Variants in PKIB observed in about 807,000 individuals in gnomAD.
The protein encoded by PKIB is PKI-beta.
PKIB carries 2 observed loss-of-function variants against 4.5 expected under a neutral mutation model. The ratio of observed to expected loss-of-function variants is 0.44; its 90% CI spans 0.18 to 1.39. The LOEUF (loss-of-function observed/expected upper bound fraction) is 1.39, where lower values mean the gene tolerates loss of function less well. Among genes scored for constraint, PKIB ranks in the 40% most tolerant of loss-of-function variants. PKIB has a pLI of 0.27. For synonymous variants in PKIB, 38 were observed against 36.0 expected, an observed-to-expected ratio of 1.06 and a Z score of -0.20; for missense variants, 94 against 92.6, an observed-to-expected ratio of 1.02 and a Z score of -0.06.
rs897422802 is a variant in PKIB at position 122,646,547 on chromosome 6, A to T, written c.-76+13180A>T. Reference sequence around the variant, plus strand: ...AAATCTCCAGTTGATGTTCACTTTTAAAAAATCTAAGTTACTATGAAGTTT... The same window carrying T: ...AAATCTCCAGTTGATGTTCACTTTTTAAAAATCTAAGTTACTATGAAGTTT... On this transcript the variant is annotated intron_variant, in intron 2 of 4. Transcript: ENST00000368452. Among the ~76,000 whole-genome samples the T allele has an allele frequency of 4.0e-4, 61 of 152,272 alleles. 1 individual carries two copies. Among genetic ancestry groups the T allele is most frequent in the Non-Finnish European group, 6.6e-4 (45 of 68,024 alleles).
At chr6:122,720,663 C>T (rs181198491) in intron 4 of PKIB, among the ~76,000 whole-genome samples, 19 of 151,262 alleles carry the variant, frequency 1.3e-4, no homozygotes, top group Non-Finnish European at 2.1e-4. Flanking sequence ...GTGGATCAGA[C>T]GGAAAAAGTT....
At chr6:122,506,722 C>T (rs543362918) in intron 2 of PKIB, among the ~76,000 whole-genome samples, 3 of 119,858 alleles carry the variant, frequency 2.5e-5, no homozygotes, top group Non-Finnish European at 4.9e-5. Context: ...TTTTTTGAGA[C>T]GGAGTCTCGC....
chr6:122,530,274 T>TA (rs1279665256), intron 2 of PKIB, among the ~76,000 whole-genome samples: 11 of 152,042 alleles, frequency 7.2e-5, no homozygotes, highest in East Asian at 3.9e-4. Context: ...TTTCTGTGTT[T>TA]AAAAAAAATA....
chr6:122,666,723 A>G (rs904462655), intron 2 of PKIB, among the ~76,000 whole-genome samples: 7 of 152,236 alleles, frequency 4.6e-5, no homozygotes, highest in African/African-American at 1.7e-4. Context: ...TTTTGAAAAA[A>G]TATGGGATAT....
At chr6:122,627,759 C>A (rs1424136011) in intron 1 of PKIB, among the ~76,000 whole-genome samples, 1 of 152,170 alleles carries the variant, frequency 6.6e-6, no homozygotes, top group Non-Finnish European at 1.5e-5. Context: ...AATTGTTCTA[C>A]ATCCTTTCTT....
At chr6:122,644,959 T>A (rs1331930368) in intron 2 of PKIB, among the ~76,000 whole-genome samples, 1 of 152,248 alleles carries the variant, frequency 6.6e-6, no homozygotes. Flanking sequence ...AACTTGTTTC[T>A]GCATTAGGTA....
intron 3 of PKIB, among the ~76,000 whole-genome samples, chr6:122,590,317 C>T (rs1375740006): frequency 2.0e-5 from 3 of 152,172 alleles, no homozygotes; most frequent in Non-Finnish European, 4.4e-5. Flanking sequence ...AGGTTAAGAT[C>T]ACAGGCTCAG....
rs552544670 is a variant in PKIB, at chr6:122,577,918, AAAAAG to A, written c.-247-7988_-247-7984del. Among the ~76,000 whole-genome samples the A allele has an allele frequency of 3.2e-4, 49 of 151,894 alleles. No individual in the cohort carries two copies. In the East Asian group the frequency reaches 8.1e-3, roughly 25 times the overall value. ...AGCAAGACTCCGTCTCAAAAAAAAA[AAAAAG>A]AAAAGAAAAGAAAAAAGAAATACAT... On this transcript the variant is annotated intron_variant, in intron 2 of 6. Transcript: ENST00000392491.
chr6:122,490,979 T>C (rs1775920836), intron 2 of PKIB, among the ~76,000 whole-genome samples: 1 of 152,056 alleles, frequency 6.6e-6, no homozygotes, highest in Admixed American at 6.5e-5. Context: ...TCCAGCAACC[T>C]CAGTTCCTGC....
intron 3 of PKIB, among the ~76,000 whole-genome samples, chr6:122,686,632 G>A (rs957628300): frequency 4.6e-5 from 7 of 151,806 alleles, no homozygotes; most frequent in Non-Finnish European, 8.8e-5. Context: ...AAAGAGCTGG[G>A]GCAACAGGCA....
intron 1 of PKIB, among the ~76,000 whole-genome samples, chr6:122,625,202 T>G (rs747193368): frequency 6.6e-6 from 1 of 152,252 alleles, no homozygotes; most frequent in Non-Finnish European, 1.5e-5. Flanking sequence ...TTGTATAAAC[T>G]GATACCTGAA....
intron 3 of PKIB, among the ~76,000 whole-genome samples, chr6:122,679,057 A>G (rs1450797253): frequency 6.6e-6 from 1 of 152,200 alleles, no homozygotes; most frequent in Non-Finnish European, 1.5e-5. Context: ...GCTACAGGCA[A>G]TCCTACATAC....
chr6:122,714,993 G>A (rs1160417500), intron 3 of PKIB, among the ~76,000 whole-genome samples: 2 of 150,954 alleles, frequency 1.3e-5, no homozygotes, highest in Non-Finnish European at 2.9e-5. Context: ...CACCATCTTG[G>A]CCAGGCTGGT....
At chr6:122,515,216 A>T (rs1452885909) in intron 2 of PKIB, among the ~76,000 whole-genome samples, 1 of 152,170 alleles carries the variant, frequency 6.6e-6, no homozygotes, top group Non-Finnish European at 1.5e-5. Flanking sequence ...CTGGATTTGA[A>T]CCGTTTATTC....
intron 2 of PKIB, among the ~76,000 whole-genome samples, chr6:122,503,708 T>C (rs1776314282): frequency 6.6e-6 from 1 of 152,164 alleles, no homozygotes; most frequent in Non-Finnish European, 1.5e-5. Flanking sequence ...GTCCTATTCA[T>C]TCCTCTCCTG....
intron 2 of PKIB, among the ~76,000 whole-genome samples, chr6:122,545,306 C>G (rs2114645048): frequency 6.6e-6 from 1 of 151,914 alleles, no homozygotes; most frequent in East Asian, 1.9e-4. Flanking sequence ...TACCATGTAG[C>G]CATAAAGAAG....
intron 3 of PKIB, among the ~76,000 whole-genome samples, chr6:122,715,163 C>T (rs1464572766): frequency 6.6e-6 from 1 of 151,820 alleles, no homozygotes; most frequent in African/African-American, 2.4e-5. Context: ...TAAAATGTCC[C>T]ATCTTGCTGA....
rs114468222 is a variant in PKIB, at chr6:122,488,531, G to C, written c.-248+10592G>C. Among the ~76,000 whole-genome samples the C allele has an allele frequency of 6.0e-3, 905 of 152,000 alleles. 14 individuals carry two copies. The highest frequency in any genetic ancestry group is 0.021 in the African/African-American group (871 of 41,456). On this transcript the variant is annotated intron_variant, in intron 2 of 6. Coordinates refer to the PKIB transcript ENST00000392491. The stretch of plus-strand genomic sequence containing the variant: ...CTGCAGCCACTCCCTCCCTGGACTC[G>C]GGTGATTCTCCTGCCTCAGATTCCA...
chr6:122,543,219 A>T (rs1255155323), intron 2 of PKIB, among the ~76,000 whole-genome samples: 2 of 152,018 alleles, frequency 1.3e-5, no homozygotes, highest in African/African-American at 4.8e-5. Context: ...TGCTGCACCC[A>T]CTGTCTGGAG....
Sources: gnomAD v4.1 joint callset for allele counts (sites outside exome capture counted in the v4.1 genomes callset) on GRCh38, gnomAD v4.1.1 for gene constraint, MANE v1.5 for transcripts, NCBI Gene and HGNC (gene_info 2026-07-23, HGNC 2026-07-21) for gene names.